The following ZBTB37 variants were observed in gnomAD, a reference collection of about 807,000 sequenced individuals.
The protein encoded by ZBTB37 is zinc finger and BTB domain containing 37.
In ZBTB37, 15 loss-of-function variants were observed where a neutral mutation model predicts 37.7. That is an observed-to-expected ratio of 0.40 (90% CI 0.27 to 0.61). The LOEUF is 0.61. Among genes scored for constraint, ZBTB37 ranks in the 20% least tolerant of loss-of-function variants. ZBTB37 has a pLI of 0.44. For synonymous variants in ZBTB37, 231 were observed against 220.6 expected, an observed-to-expected ratio of 1.05 and a Z score of -0.42; for missense variants, 514 against 641.9, an observed-to-expected ratio of 0.80 and a Z score of 2.15.
At chr1:173,881,255 T>C (rs1333697148) in intron 4 of ZBTB37, among the ~76,000 whole-genome samples, 1 of 146,254 alleles carries the variant, frequency 6.8e-6, no homozygotes, top group Non-Finnish European at 1.5e-5. Flanking sequence ...GTTTCCACCT[T>C]CATCCATGTC....
chr1:173,873,372 C>A lies in ZBTB37; in HGVS notation c.924-95C>A, dbSNP rs1367318327. On this transcript the variant is annotated intron_variant, in intron 3 of 4. Transcript: ENST00000427304. The stretch of plus-strand genomic sequence containing the variant: ...TTTGTTGCTTGGTTTGTTCCCCCTT[C>A]CTCAGCCATAGAATAAAGAGGGGCG... 2.3e-6 allele frequency: 3 copies of A among 1,313,584 alleles called. No individual in the cohort carries two copies. In the Admixed American group the frequency reaches 7.9e-5, roughly 35 times the overall value. 81.4% of individuals were successfully genotyped at this position (1,313,584 alleles called of 1,614,324 possible).
exon 4 of ZBTB37, chr1:173,897,384 C>G (rs953395682): frequency 2.6e-5 from 4 of 152,104 alleles, no homozygotes; most frequent in African/African-American, 9.7e-5. Context: ...TGCAGCTTTT[C>G]TTTAGAGAAA....
chr1:173,883,057 C>T (rs934377588), intron 4 of ZBTB37, among the ~76,000 whole-genome samples: 1 of 152,212 alleles, frequency 6.6e-6, no homozygotes, highest in African/African-American at 2.4e-5. Flanking sequence ...CTCCAAGTCA[C>T]ACAATAAATA....
chr1:173,890,114 T>TCA (rs940655336), downstream of ZBTB37: 5 of 152,230 alleles, frequency 3.3e-5, no homozygotes, highest in African/African-American at 1.2e-4. Context: ...TCCTCCTTCC[T>TCA]CAGCCTCCTG....
chr1:173,901,845 T>C (rs1657273086), exon 4 of ZBTB37: 1 of 152,264 alleles, frequency 6.6e-6, no homozygotes, highest in African/African-American at 2.4e-5. Flanking sequence ...AAAGTCAATG[T>C]AGCAGAAATT....
chr1:173,869,802 A>G (rs1655406880), intron 2 of ZBTB37, among the ~76,000 whole-genome samples: 1 of 152,250 alleles, frequency 6.6e-6, no homozygotes, highest in Non-Finnish European at 1.5e-5. Flanking sequence ...ATTTATTCAG[A>G]AAGCTTTCCT....
At chr1:173,871,791 A>T (rs1170336225) in intron 3 of ZBTB37, among the ~76,000 whole-genome samples, 2 of 152,056 alleles carry the variant, frequency 1.3e-5, no homozygotes, top group African/African-American at 4.8e-5. Flanking sequence ...GCTATGCCCC[A>T]TGCCTCACTT....
chr1:173,884,446 C>T (rs1161442554), intron 4 of ZBTB37, among the ~76,000 whole-genome samples: 1 of 149,152 alleles, frequency 6.7e-6, no homozygotes, highest in Non-Finnish European at 1.5e-5. Context: ...GCATAAGCCA[C>T]CACATCTGGC....
exon 5 of ZBTB37, chr1:173,886,228 G>T (rs1443339083): frequency 6.9e-7 from 1 of 1,449,658 alleles, no homozygotes; most frequent in Non-Finnish European, 9.1e-7. Flanking sequence ...CACATCACTA[G>T]GCCAGAAGAT....
At chr1:173,901,782 C>T (rs1002788072) in exon 4 of ZBTB37, 2 of 152,174 alleles carry the variant, frequency 1.3e-5, no homozygotes, top group African/African-American at 2.4e-5. Context: ...GAATGGGACC[C>T]GCTCTGCTCT....
At chr1:173,880,537 T>C (rs961859514) in intron 4 of ZBTB37, among the ~76,000 whole-genome samples, 2 of 152,318 alleles carry the variant, frequency 1.3e-5, no homozygotes, top group Admixed American at 6.5e-5. Context: ...AAATAGCTAT[T>C]GAACCAAGCA....
chr1:173,882,535 C>A (rs946383942), intron 4 of ZBTB37, among the ~76,000 whole-genome samples: 1 of 152,054 alleles, frequency 6.6e-6, no homozygotes, highest in Non-Finnish European at 1.5e-5. Flanking sequence ...CCACTGTGCC[C>A]AGCCCTGATG....
chr1:173,889,084 A>T (rs1656740843), downstream of ZBTB37: 1 of 152,264 alleles, frequency 6.6e-6, no homozygotes, highest in Non-Finnish European at 1.5e-5. Context: ...AGCCAGAGCC[A>T]CAAAATTCAT....
chr1:173,877,750 A>G (rs965537037), intron 4 of ZBTB37, among the ~76,000 whole-genome samples: 1 of 152,134 alleles, frequency 6.6e-6, no homozygotes, highest in Non-Finnish European at 1.5e-5. Context: ...TATATGCCTT[A>G]ATGGATATGA....
intron 4 of ZBTB37, among the ~76,000 whole-genome samples, chr1:173,885,116 C>A (rs1460149888): frequency 2.0e-5 from 3 of 152,078 alleles, no homozygotes; most frequent in Non-Finnish European, 4.4e-5. Flanking sequence ...TGCTGGTGGT[C>A]CCAGCTACTC....
rs7554635 is a variant in ZBTB37, at chr1:173,885,333, G to A, written c.1024-303G>A. The stretch of plus-strand genomic sequence containing the variant: ...TAGGATCCAGGGTATAGTATAAGTG[G>A]GCTCAGTTTCTCCTCACATTACTGT... On this transcript the variant is annotated intron_variant, in intron 4 of 4. Transcript: ENST00000427304. Among the ~76,000 whole-genome samples the A allele has an allele frequency of 8.9e-3, 1,353 of 152,232 alleles. 19 individuals carry two copies. Among genetic ancestry groups the A allele is most frequent in the African/African-American group, 0.03 (1,232 of 41,526 alleles).
At chr1:173,873,887 A>G (rs552457925) in intron 4 of ZBTB37, among the ~76,000 whole-genome samples, 1 of 152,326 alleles carries the variant, frequency 6.6e-6, no homozygotes, top group East Asian at 1.9e-4. Flanking sequence ...ATAAGGAAAA[A>G]GTGATAAATT....
At chr1:173,897,537 G>A (rs1657095419) in exon 4 of ZBTB37, 1 of 152,214 alleles carries the variant, frequency 6.6e-6, no homozygotes. Context: ...TGTTGGGATA[G>A]GTATACTGTT....
rs552293048 is a variant in ZBTB37 at position 173,874,704 on chromosome 1, G to A, written c.1023+1138G>A. ...TAGTAAATTATTGAAAGCTTCCTTC[G>A]TGTGATTGGGAATGAGACAGAATGT... On this transcript the variant is annotated intron_variant, in intron 4 of 4. Coordinates refer to ENST00000427304, the Ensembl canonical transcript of ZBTB37. Among the ~76,000 whole-genome samples, 5 of 152,214 alleles carry A rather than the reference G, an allele frequency of 3.3e-5. No individual in the cohort carries two copies. The South Asian group carries it at 6.2e-4, about 19-fold the overall frequency.
Sources: gnomAD v4.1 joint callset for allele counts (sites outside exome capture counted in the v4.1 genomes callset) on GRCh38, gnomAD v4.1.1 for gene constraint, MANE v1.5 for transcripts, NCBI Gene and HGNC (gene_info 2026-07-23, HGNC 2026-07-21) for gene names.